The following SEMA6D variants were observed in gnomAD, a reference collection of about 807,000 sequenced individuals.
SEMA6D encodes semaphorin-6D.
In SEMA6D, 35 loss-of-function variants were observed where a neutral mutation model predicts 106.6. The ratio of observed to expected loss-of-function variants is 0.33; its 90% CI spans 0.25 to 0.44. The LOEUF is 0.44. Among genes scored for constraint, SEMA6D ranks in the 20% least tolerant of loss-of-function variants. The pLI, the probability that SEMA6D is intolerant of heterozygous loss-of-function variation, is 1.00. For synonymous variants in SEMA6D, 499 were observed against 487.7 expected (o/e 1.02, Z -0.31); for missense variants, 1,185 against 1,345.9 (o/e 0.88, Z 1.87).
chr15:47,218,149 A>T lies in SEMA6D; in HGVS notation c.-239+33731A>T, dbSNP rs182023356. 3.7e-3 allele frequency among the ~76,000 whole-genome samples: 568 copies of T among 152,292 alleles called. 6 individuals are homozygous for T. The highest frequency in any genetic ancestry group is 0.013 in the African/African-American group (541 of 41,558). ...TTGTTATTGTTTGTTTTCATTGGGA[A>T]AATGAAGGAAATGCCTGTTTCAGAG... On this transcript the variant is annotated intron_variant, in intron 1 of 19. Coordinates refer to the SEMA6D transcript ENST00000558014.
chr15:47,696,858 G>A (rs991587214), intron 4 of SEMA6D, among the ~76,000 whole-genome samples: 1 of 152,170 alleles, frequency 6.6e-6, no homozygotes, highest in Non-Finnish European at 1.5e-5. Context: ...ATGTCTCATA[G>A]TTATGAAGAT....
At chr15:47,621,253 A>G (rs2077092782) in intron 4 of SEMA6D, among the ~76,000 whole-genome samples, 1 of 152,158 alleles carries the variant, frequency 6.6e-6, no homozygotes, top group Non-Finnish European at 1.5e-5. Flanking sequence ...TGCATCATAG[A>G]TGCTTGTCTC....
At chr15:47,518,509 C>T (rs1006361653) in intron 3 of SEMA6D, among the ~76,000 whole-genome samples, 3 of 152,146 alleles carry the variant, frequency 2.0e-5, no homozygotes, top group African/African-American at 7.2e-5. Flanking sequence ...AATGGTATAG[C>T]CCATTGCTCC....
chr15:47,352,163 A>G (rs2038351156), intron 1 of SEMA6D, among the ~76,000 whole-genome samples: 1 of 152,184 alleles, frequency 6.6e-6, no homozygotes, highest in Non-Finnish European at 1.5e-5. Flanking sequence ...GACTACTAAA[A>G]ATGATATTTT....
intron 1 of SEMA6D, among the ~76,000 whole-genome samples, chr15:47,294,847 C>A (rs2035742555): frequency 6.6e-6 from 1 of 152,144 alleles, no homozygotes; most frequent in Non-Finnish European, 1.5e-5. Flanking sequence ...CAACAATTGA[C>A]AAAGATGGAG....
At chr15:47,365,627 G>A (rs990309070) in intron 1 of SEMA6D, among the ~76,000 whole-genome samples, 4 of 152,144 alleles carry the variant, frequency 2.6e-5, no homozygotes, top group African/African-American at 4.8e-5. Flanking sequence ...TTGAGAGGCC[G>A]AGGTGGGTGG....
intron 3 of SEMA6D, among the ~76,000 whole-genome samples, chr15:47,598,429 A>G (rs895372292): frequency 9.2e-5 from 14 of 152,158 alleles, no homozygotes; most frequent in Admixed American, 3.3e-4. Context: ...ATTATGATTA[A>G]TTGTATTTAC....
intron 2 of SEMA6D, among the ~76,000 whole-genome samples, chr15:47,466,223 A>G (rs868151259): frequency 9.9e-5 from 15 of 152,102 alleles, no homozygotes; most frequent in South Asian, 8.3e-4. Flanking sequence ...CATTATTATT[A>G]ACTGTAGTTT....
intron 1 of SEMA6D, among the ~76,000 whole-genome samples, chr15:47,326,743 T>C (rs10851452): frequency 0.46 from 70,250 of 152,082 alleles, 19,583 homozygotes; most frequent in South Asian, 0.61. Context: ...AGTATGTGTA[T>C]GTTGAAGTAA....
chr15:47,535,865 G>A lies in SEMA6D; in HGVS notation c.-86-65000G>A, dbSNP rs186682411. Among the ~76,000 whole-genome samples, 526 of 152,214 alleles carry A rather than the reference G, an allele frequency of 3.5e-3. 2 individuals carry two copies. The highest frequency in any genetic ancestry group is 0.012 in the African/African-American group (514 of 41,554). On this transcript the variant is annotated intron_variant, in intron 3 of 19. Coordinates refer to the SEMA6D transcript ENST00000558014. ...AATGTGAAGATTGAATGAATCTTCA[G>A]GTAAGTGAAAGCAGCACACTGGAAG...
chr15:47,637,975 G>A (rs2077420917), intron 4 of SEMA6D, among the ~76,000 whole-genome samples: 1 of 152,156 alleles, frequency 6.6e-6, no homozygotes, highest in Admixed American at 6.5e-5. Flanking sequence ...TTATGTTGCT[G>A]GCACAGATTA....
intron 2 of SEMA6D, among the ~76,000 whole-genome samples, chr15:47,460,423 A>T (rs2042469346): frequency 6.6e-6 from 1 of 152,130 alleles, no homozygotes; most frequent in Non-Finnish European, 1.5e-5. Flanking sequence ...CCGAGAAATC[A>T]TCTTGCTGAT....
At chr15:47,600,418 T>C (rs905111381) in intron 3 of SEMA6D, among the ~76,000 whole-genome samples, 1 of 152,114 alleles carries the variant, frequency 6.6e-6, no homozygotes, top group Admixed American at 6.6e-5. Context: ...AAATGAGATA[T>C]GATGTTGCAT....
At chr15:47,444,366 G>T (rs1026862182) in intron 2 of SEMA6D, among the ~76,000 whole-genome samples, 2 of 152,150 alleles carry the variant, frequency 1.3e-5, no homozygotes, top group African/African-American at 4.8e-5. Flanking sequence ...TTTTAAGCCT[G>T]AAATAAAGTG....
At chr15:47,430,939 C>T (rs1156938166) in intron 2 of SEMA6D, among the ~76,000 whole-genome samples, 7 of 152,136 alleles carry the variant, frequency 4.6e-5, no homozygotes, top group Non-Finnish European at 1.5e-5. Flanking sequence ...TGAGCCCTAG[C>T]CACGGAGTTC....
At chr15:47,523,984 C>G (rs930053890) in intron 3 of SEMA6D, among the ~76,000 whole-genome samples, 1 of 152,098 alleles carries the variant, frequency 6.6e-6, no homozygotes, top group African/African-American at 2.4e-5. Context: ...TGTTAAACAC[C>G]CTCGGCAGAG....
intron 1 of SEMA6D, among the ~76,000 whole-genome samples, chr15:47,206,790 A>G (rs1181395454): frequency 6.6e-6 from 1 of 152,076 alleles, no homozygotes; most frequent in Non-Finnish European, 1.5e-5. Flanking sequence ...ATCTGTCACA[A>G]CAGCATTCCT....
intron 3 of SEMA6D, among the ~76,000 whole-genome samples, chr15:47,586,808 GAA>G (rs1312635263): frequency 2.0e-5 from 3 of 148,394 alleles, no homozygotes; most frequent in Non-Finnish European, 4.5e-5. Context: ...AGTCTGTAAA[GAA>G]AATTCTGTTT....
intron 1 of SEMA6D, among the ~76,000 whole-genome samples, chr15:47,401,970 A>C (rs1202358505): frequency 6.6e-6 from 1 of 152,182 alleles, no homozygotes; most frequent in Non-Finnish European, 1.5e-5. Context: ...CCAAGCCAGA[A>C]TTGGTTTTTT....
Sources: allele counts gnomAD v4.1 joint callset (sites outside exome capture counted in the v4.1 genomes callset), GRCh38; gene constraint gnomAD v4.1.1; transcripts MANE v1.5; gene names NCBI Gene and HGNC (gene_info 2026-07-23, HGNC 2026-07-21).